The following PTPDC1 variants were observed in gnomAD, a reference collection of about 807,000 sequenced individuals.
The protein encoded by PTPDC1 is protein tyrosine phosphatase domain containing 1.
Under a neutral mutation model 75.3 loss-of-function variants are expected in PTPDC1, and 53 were observed. That is an observed-to-expected ratio of 0.70 (90% CI 0.56 to 0.88). PTPDC1 has a LOEUF of 0.88. Among genes scored for constraint, PTPDC1 ranks in the 40% least tolerant of loss-of-function variants. The pLI, the probability that PTPDC1 is intolerant of heterozygous loss-of-function variation, is 0.00. For synonymous variants in PTPDC1, 349 were observed against 366.2 expected, an observed-to-expected ratio of 0.95 and a Z score of 0.54; for missense variants, 925 against 998.6, an observed-to-expected ratio of 0.93 and a Z score of 0.99.
chr9:94,052,312 G>C (rs770997921), intron 1 of PTPDC1, among the ~76,000 whole-genome samples: 1 of 152,006 alleles, frequency 6.6e-6, no homozygotes, highest in South Asian at 2.1e-4. Flanking sequence ...GTTTAATTCT[G>C]GTGTGGTCTA....
chr9:94,066,147 A>G (rs985549002), intron 2 of PTPDC1, among the ~76,000 whole-genome samples: 1 of 152,132 alleles, frequency 6.6e-6, no homozygotes, highest in Non-Finnish European at 1.5e-5. Context: ...TTCCAGTGAC[A>G]ATGAAAAAAC....
chr9:94,067,571 T>C (rs919419811), intron 2 of PTPDC1, among the ~76,000 whole-genome samples: 1 of 152,148 alleles, frequency 6.6e-6, no homozygotes, highest in African/African-American at 2.4e-5. Context: ...TTTGTTTGAA[T>C]TGGGATCCAA....
intron 1 of PTPDC1, among the ~76,000 whole-genome samples, chr9:94,054,701 C>A (rs538777937): frequency 8.1e-4 from 124 of 152,300 alleles, no homozygotes; most frequent in Non-Finnish European, 1.7e-3. Context: ...AGTTTCTACA[C>A]TAGACTCTAA....
chr9:94,094,319 G>A (rs1285071775), intron 4 of PTPDC1, among the ~76,000 whole-genome samples: 3 of 147,656 alleles, frequency 2.0e-5, no homozygotes, highest in Non-Finnish European at 4.4e-5. Context: ...CTCAGCTGCA[G>A]GTCTGTTGGA....
intron 1 of PTPDC1, among the ~76,000 whole-genome samples, chr9:94,063,285 G>A (rs1019654770): frequency 6.6e-6 from 1 of 152,160 alleles, no homozygotes; most frequent in Non-Finnish European, 1.5e-5. Flanking sequence ...TCATCAAAAT[G>A]TTTTAAGAAA....
At chr9:94,045,046 A>G (rs1344287533) in intron 1 of PTPDC1, among the ~76,000 whole-genome samples, 4 of 118,914 alleles carry the variant, frequency 3.4e-5, no homozygotes, top group Non-Finnish European at 4.8e-5. Flanking sequence ...TCCTGTGTCC[A>G]TGTGTTCTCA....
intron 2 of PTPDC1, among the ~76,000 whole-genome samples, chr9:94,087,459 A>G (rs1212518932): frequency 1.3e-5 from 2 of 152,236 alleles, no homozygotes; most frequent in Admixed American, 1.3e-4. Context: ...TGCCTTTACT[A>G]GACTACCTTT....
At chr9:94,095,235 A>G (rs1258021077) in intron 4 of PTPDC1, 82 bp from the exon 5 acceptor site, 11 of 1,063,452 alleles carry the variant, frequency 1.0e-5, no homozygotes, top group Admixed American at 1.9e-5. Flanking sequence ...GTCTCAGTGT[A>G]GATCTGTGTA....
intron 1 of PTPDC1, among the ~76,000 whole-genome samples, chr9:94,055,561 T>C (rs1042839267): frequency 1.3e-5 from 2 of 152,196 alleles, no homozygotes; most frequent in Non-Finnish European, 2.9e-5. Context: ...GGAGGAACCT[T>C]AAATGAACAT....
In PTPDC1 at chr9:94,098,865, TG is replaced by T. The variant is rs1398034103; in HGVS notation, c.2013+291del. Among the ~76,000 whole-genome samples the T allele has an allele frequency of 9.8e-5, 15 of 152,332 alleles. No individual in the cohort carries two copies. In the South Asian group the frequency reaches 3.1e-3, roughly 32 times the overall value. ...AGTAGTTTCCTTCTTCCTGGGCCTA[TG>T]GGGGCAACTGGCCCACAGCAGACAG... On this transcript the variant is annotated intron_variant, in intron 6 of 8. Coordinates refer to ENST00000620992, the MANE Select transcript of PTPDC1 (RefSeq NM_001253829.2).
rs556659014 is a variant in PTPDC1 at position 94,060,993 on chromosome 9, T to C, written c.-6-3741T>C. Among the ~76,000 whole-genome samples the C allele has an allele frequency of 2.6e-5, 4 of 152,224 alleles. No homozygotes were observed. The South Asian group carries it at 8.3e-4, about 32-fold the overall frequency. ...CAGTACCCCCAAAGTCTTTACTCAT[T>C]CCAGCACTAACTCAAAAGTCCAAAG... On this transcript the variant is annotated intron_variant, in intron 1 of 9. Transcript: ENST00000375360.
At chr9:94,035,654 A>G (rs1052579471) in intron 1 of PTPDC1, among the ~76,000 whole-genome samples, 1 of 152,240 alleles carries the variant, frequency 6.6e-6, no homozygotes, top group Non-Finnish European at 1.5e-5. Context: ...GCATGCAGAC[A>G]TCTCTTCAAC....
chr9:94,094,281 G>A (rs892798448), intron 4 of PTPDC1, among the ~76,000 whole-genome samples: 2 of 151,458 alleles, frequency 1.3e-5, no homozygotes, highest in Non-Finnish European at 2.9e-5. Context: ...CTTTCTGTTT[G>A]TTAGTTTTCC....
chr9:94,089,321 T>C (rs979023298), intron 4 of PTPDC1, among the ~76,000 whole-genome samples: 8 of 150,632 alleles, frequency 5.3e-5, no homozygotes, highest in African/African-American at 2.0e-4. Context: ...TGAGTGAGAA[T>C]ATGCGGTGTT....
chr9:94,031,676 G>GA (rs1829730096), intron 1 of PTPDC1, among the ~76,000 whole-genome samples: 1 of 152,022 alleles, frequency 6.6e-6, no homozygotes, highest in Non-Finnish European at 1.5e-5. Context: ...GTCCTTTGTG[G>GA]CCTTCCAAAG....
intron 1 of PTPDC1, among the ~76,000 whole-genome samples, chr9:94,052,700 C>G (rs1264608274): frequency 6.6e-6 from 1 of 152,060 alleles, no homozygotes; most frequent in Non-Finnish European, 1.5e-5. Flanking sequence ...GAGATTGAGA[C>G]TCATGTTTTT....
intron 4 of PTPDC1, among the ~76,000 whole-genome samples, chr9:94,093,100 G>T (rs1046325642): frequency 8.5e-5 from 13 of 152,054 alleles, no homozygotes; most frequent in Non-Finnish European, 1.5e-4. Flanking sequence ...AGATAATATT[G>T]TTATGTGTGA....
chr9:94,071,788 C>T (rs922581982), intron 2 of PTPDC1, among the ~76,000 whole-genome samples: 4 of 152,148 alleles, frequency 2.6e-5, no homozygotes, highest in Admixed American at 2.6e-4. Flanking sequence ...AAAAATATTA[C>T]TGGGATTTTT....
At chr9:94,038,366 T>G (rs1008905668) in intron 1 of PTPDC1, 5 of 490,104 alleles carry the variant, frequency 1.0e-5, no homozygotes, top group Non-Finnish European at 1.9e-5. Flanking sequence ...CTGCCTTATT[T>G]ATTACAAATG....
Sources: gnomAD v4.1 joint callset for allele counts (sites outside exome capture counted in the v4.1 genomes callset) on GRCh38, gnomAD v4.1.1 for gene constraint, MANE v1.5 for transcripts, NCBI Gene and HGNC (gene_info 2026-07-23, HGNC 2026-07-21) for gene names.